Variants in LYRM4 observed in about 807,000 individuals in gnomAD.
The protein encoded by LYRM4 is LYR motif containing 4.
In LYRM4, 9 loss-of-function variants were observed where a neutral mutation model predicts 11.7. The observed-to-expected ratio is 0.77, with a 90% CI of 0.46 to 1.34. The LOEUF (loss-of-function observed/expected upper bound fraction) is 1.34. Among genes scored for constraint, LYRM4 ranks in the 40% most tolerant of loss-of-function variants. The pLI, the probability that LYRM4 is intolerant of heterozygous loss-of-function variation, is 0.00. For synonymous variants in LYRM4, 42 were observed against 40.4 expected, an observed-to-expected ratio of 1.04 and a Z score of -0.15; for missense variants, 133 against 112.5, an observed-to-expected ratio of 1.18 and a Z score of -0.82.
chr6:5,243,050 G>C (rs1763979697), intron 1 of LYRM4, among the ~76,000 whole-genome samples: 1 of 152,108 alleles, frequency 6.6e-6, no homozygotes, highest in Non-Finnish European at 1.5e-5. Flanking sequence ...TGGGATTACA[G>C]GCGTGAGCCA....
At chr6:5,125,914 C>T (rs189763231) in intron 2 of LYRM4, among the ~76,000 whole-genome samples, 6 of 152,356 alleles carry the variant, frequency 3.9e-5, no homozygotes, top group Admixed American at 3.9e-4. Flanking sequence ...CTTTTCTCAG[C>T]ATCAAGACAA....
intron 2 of LYRM4, among the ~76,000 whole-genome samples, chr6:5,127,354 C>A (rs148879745): frequency 1.5e-3 from 233 of 152,012 alleles, no homozygotes; most frequent in Non-Finnish European, 3.0e-3. Flanking sequence ...CAATGCGCTG[C>A]GATTACAGGC....
At chr6:5,176,845 C>G (rs1169491345) in intron 2 of LYRM4, among the ~76,000 whole-genome samples, 1 of 152,200 alleles carries the variant, frequency 6.6e-6, no homozygotes, top group Non-Finnish European at 1.5e-5. Context: ...TCTACAATGG[C>G]ATGAGGCAGA....
At chr6:5,153,405 A>T (rs1758206089) in intron 2 of LYRM4, among the ~76,000 whole-genome samples, 1 of 152,210 alleles carries the variant, frequency 6.6e-6, no homozygotes, top group Admixed American at 6.5e-5. Flanking sequence ...TGCTAATCTT[A>T]AACAAAACTA....
intron 2 of LYRM4, among the ~76,000 whole-genome samples, chr6:5,152,811 G>A (rs542808131): frequency 2.0e-5 from 3 of 152,334 alleles, no homozygotes; most frequent in Non-Finnish European, 4.4e-5. Context: ...GCTAGGTCAC[G>A]GGGCAAATGG....
At chr6:5,215,871 C>T (rs1284305798) in intron 2 of LYRM4, among the ~76,000 whole-genome samples, 1 of 152,152 alleles carries the variant, frequency 6.6e-6, no homozygotes, top group Non-Finnish European at 1.5e-5. Flanking sequence ...TGCGTGATTG[C>T]TGCTAAGTCA....
intron 2 of LYRM4, among the ~76,000 whole-genome samples, chr6:5,181,251 A>C (rs996544143): frequency 2.6e-5 from 4 of 152,220 alleles, no homozygotes; most frequent in Admixed American, 2.6e-4. Context: ...TCTTTGCCTT[A>C]GAATTGTCCT....
intron 2 of LYRM4, among the ~76,000 whole-genome samples, chr6:5,193,917 A>G (rs1025831335): frequency 1.7e-4 from 26 of 152,248 alleles, no homozygotes; most frequent in African/African-American, 5.5e-4. Context: ...AAAACGGATG[A>G]TCAAAATTAA....
intron 1 of LYRM4, among the ~76,000 whole-genome samples, chr6:5,239,958 T>C (rs922649362): frequency 8.7e-4 from 133 of 152,310 alleles, no homozygotes; most frequent in African/African-American, 3.1e-3. Flanking sequence ...GGGAAGCTGA[T>C]GCCCCCGGCA....
the LYRM4 span, among the ~76,000 whole-genome samples, chr6:5,094,735 G>GTATGGTGGTGTT: frequency 1.3e-5 from 2 of 152,130 alleles, no homozygotes; most frequent in South Asian, 4.1e-4. Context: ...CTGCATGACT[G>GTATGGTGGTGTT]TATGGTGGTG....
At chr6:5,227,163 A>G (rs1277175851) in intron 1 of LYRM4, among the ~76,000 whole-genome samples, 1 of 152,186 alleles carries the variant, frequency 6.6e-6, no homozygotes, top group African/African-American at 2.4e-5. Context: ...AAGGTTGTGG[A>G]GCTAAGGTGA....
chr6:5,241,187 T>TAAAAAAAAAG (rs1763857970), intron 1 of LYRM4, among the ~76,000 whole-genome samples: 1 of 150,758 alleles, frequency 6.6e-6, no homozygotes, highest in African/African-American at 2.4e-5. Context: ...AGATGGTTAA[T>TAAAAAAAAAG]AAAAAAAAAG....
At chr6:5,061,505 A>C in the LYRM4 span, among the ~76,000 whole-genome samples, 3 of 152,268 alleles carry the variant, frequency 2.0e-5, no homozygotes, top group Admixed American at 6.5e-5. Context: ...AGAAATGCAG[A>C]AATATTAGTT....
chr6:5,246,570 GGGA>G (rs1561900171), intron 1 of LYRM4, among the ~76,000 whole-genome samples: 2 of 152,158 alleles, frequency 1.3e-5, no homozygotes, highest in East Asian at 3.8e-4. Flanking sequence ...GGGTGCAGGG[GGGA>G]CTGAGAGTGG....
At chr6:5,255,741 T>C (rs373562861) in intron 1 of LYRM4, among the ~76,000 whole-genome samples, 1 of 152,104 alleles carries the variant, frequency 6.6e-6, no homozygotes, top group South Asian at 2.1e-4. Context: ...ATGACCAAAC[T>C]TTTGGGCCAG....
intron 1 of LYRM4, among the ~76,000 whole-genome samples, chr6:5,228,360 T>C (rs1023512458): frequency 6.6e-6 from 1 of 152,116 alleles, no homozygotes; most frequent in African/African-American, 2.4e-5. Context: ...CACTGCAACC[T>C]TCACCTCCCT....
intron 2 of LYRM4, among the ~76,000 whole-genome samples, chr6:5,154,181 AG>A (rs1758251479): frequency 6.6e-6 from 1 of 152,184 alleles, no homozygotes. Context: ...CACCCCATCA[AG>A]TAATTATCAG....
At chr6:5,127,315 G>A (rs758168652) in intron 2 of LYRM4, among the ~76,000 whole-genome samples, 40 of 152,012 alleles carry the variant, frequency 2.6e-4, no homozygotes, top group South Asian at 8.3e-4. Context: ...GAACTCCTGG[G>A]CTCAAGTGAT....
chr6:5,260,883 C>T lies in LYRM4; in HGVS notation c.-150G>A. The T allele has an allele frequency of 7.0e-7, 1 of 1,424,888 alleles. No individual in the cohort carries two copies. The highest frequency in any genetic ancestry group is 1.5e-5 in the South Asian group (1 of 67,124). 88.3% of individuals were successfully genotyped at this position (1,424,888 alleles called of 1,614,324 possible). A position where few individuals can be genotyped will look rare whatever the true frequency, so the allele number is the denominator to read the frequency against. ...CGGGCCGGGCCTAAGCCTAAGCGGG[C>T]AGCCCTGCGGATCGCGGACGGCGCC... On this transcript the variant is annotated 5_prime_UTR_variant, in exon 1 of 3. Coordinates refer to ENST00000330636, the MANE Select transcript of LYRM4 (RefSeq NM_020408.6).
Sources: allele counts gnomAD v4.1 joint callset (sites outside exome capture counted in the v4.1 genomes callset), GRCh38; gene constraint gnomAD v4.1.1; transcripts MANE v1.5; gene names NCBI Gene and HGNC (gene_info 2026-07-23, HGNC 2026-07-21).